SLC35F3: variants seen among roughly 807,000 people sequenced by gnomAD.
SLC35F3 encodes solute carrier family 35 member F3, also known as putative thiamine transporter SLC35F3.
Under a neutral mutation model 49.9 loss-of-function variants are expected in SLC35F3, and 25 were observed. The observed-to-expected ratio is 0.50, with a 90% CI of 0.37 to 0.70. The LOEUF (loss-of-function observed/expected upper bound fraction) is 0.70. Ranked by LOEUF, SLC35F3 falls within the 30% of genes least tolerant of loss-of-function variation. The pLI is 0.00. For missense variants in SLC35F3, 525 were observed against 639.8 expected (o/e 0.82, Z 1.94); for synonymous variants, 275 against 265.4 (o/e 1.04, Z -0.35).
At chr1:234,192,427 A>G (rs961287479) in intron 2 of SLC35F3, among the ~76,000 whole-genome samples, 1 of 152,198 alleles carries the variant, frequency 6.6e-6, no homozygotes, top group Non-Finnish European at 1.5e-5. Flanking sequence ...CTTCAGCAAA[A>G]TCAGCATACA....
chr1:234,222,470 T>C (rs622815), intron 2 of SLC35F3, among the ~76,000 whole-genome samples: 57,270 of 152,032 alleles, frequency 0.38, 15,438 homozygotes, highest in African/African-American at 0.77. Context: ...TGCTCTGTTC[T>C]GCTCATTTTC....
At chr1:234,190,419 A>G (rs925408828) in intron 2 of SLC35F3, among the ~76,000 whole-genome samples, 7 of 152,244 alleles carry the variant, frequency 4.6e-5, no homozygotes, top group African/African-American at 1.4e-4. Context: ...AGGAATAGCT[A>G]TTCTTATATC....
intron 2 of SLC35F3, among the ~76,000 whole-genome samples, chr1:233,964,888 A>T (rs1317572873): frequency 6.6e-6 from 1 of 152,212 alleles, no homozygotes; most frequent in Non-Finnish European, 1.5e-5. Flanking sequence ...GACCACACTA[A>T]CATCAGAGGA....
At chr1:234,203,593 C>A (rs561005632) in intron 2 of SLC35F3, among the ~76,000 whole-genome samples, 2 of 152,242 alleles carry the variant, frequency 1.3e-5, no homozygotes, top group African/African-American at 4.8e-5. Context: ...TGCCTGTAAT[C>A]CGAGCTTCTC....
At chr1:233,927,825 T>C (rs1264165485) in intron 2 of SLC35F3, among the ~76,000 whole-genome samples, 1 of 152,196 alleles carries the variant, frequency 6.6e-6, no homozygotes, top group Non-Finnish European at 1.5e-5. Context: ...ATTTATGTAT[T>C]TTAAAATAGA....
At chr1:234,135,197 C>T (rs1275111360) in intron 2 of SLC35F3, among the ~76,000 whole-genome samples, 1 of 152,168 alleles carries the variant, frequency 6.6e-6, no homozygotes, top group East Asian at 1.9e-4. Context: ...GCTAGCCCAA[C>T]ATGTGGCACT....
At position 234,250,646 on chromosome 1, in the gene SLC35F3, TC is replaced by T. The variant is rs768481370; in HGVS notation, c.608+18907del. Among the ~76,000 whole-genome samples, 651 of 111,538 alleles carry T rather than the reference TC, an allele frequency of 5.8e-3. 3 individuals are homozygous for T. Among genetic ancestry groups the T allele is most frequent in the Non-Finnish European group, 6.3e-3 (363 of 57,666 alleles). 73.2% of individuals were successfully genotyped at this position (111,538 alleles called of 152,430 possible). ...TCCAGCCTGGGCGACAGAGCGAGAC[TC>T]CGTCTCAAAAAAAAAAAAAAAAAAA... On this transcript the variant is annotated intron_variant, in intron 3 of 7. Coordinates refer to ENST00000366618, the MANE Select transcript of SLC35F3 (RefSeq NM_173508.4).
chr1:234,290,076 C>G (rs1471218962), intron 3 of SLC35F3, among the ~76,000 whole-genome samples: 1 of 152,044 alleles, frequency 6.6e-6, no homozygotes, highest in Non-Finnish European at 1.5e-5. Flanking sequence ...AGCTATAAAC[C>G]AGACACAGCT....
chr1:234,225,345 T>A lies in SLC35F3; in HGVS notation c.284-6072T>A, dbSNP rs552769621. Among the ~76,000 whole-genome samples the A allele has an allele frequency of 4.5e-3, 328 of 72,438 alleles. 3 individuals are homozygous for A. Among genetic ancestry groups the A allele is most frequent in the African/African-American group, 0.039 (315 of 8,002 alleles). The allele number at this position is 72,438 out of a possible 152,430, so 47.5% of individuals were successfully genotyped here. ...CAAAAGCTTTCTTCTAAGCTCCTCA[T>A]TTTGCAAAACTTTTTGGTTTGTTGG... is the stretch of plus-strand genomic sequence containing the variant. On this transcript the variant is annotated intron_variant, in intron 2 of 7. Transcript: ENST00000366618.
At chr1:234,197,102 A>G (rs2102932452) in intron 2 of SLC35F3, among the ~76,000 whole-genome samples, 1 of 152,340 alleles carries the variant, frequency 6.6e-6, no homozygotes, top group East Asian at 1.9e-4. Context: ...GAGCAGAGTT[A>G]GGGAAATGAA....
chr1:234,034,042 T>C (rs1664104834), intron 2 of SLC35F3, among the ~76,000 whole-genome samples: 1 of 152,228 alleles, frequency 6.6e-6, no homozygotes. Flanking sequence ...CAGCAGTGTT[T>C]TATAGTTTAC....
intron 2 of SLC35F3, among the ~76,000 whole-genome samples, chr1:234,088,377 T>C (rs1010280126): frequency 6.6e-6 from 1 of 152,108 alleles, no homozygotes; most frequent in African/African-American, 2.4e-5. Flanking sequence ...GCAGCTAATT[T>C]TTGTATTTTT....
chr1:234,049,274 G>A (rs1664338424), intron 2 of SLC35F3, among the ~76,000 whole-genome samples: 1 of 152,102 alleles, frequency 6.6e-6, no homozygotes, highest in South Asian at 2.1e-4. Context: ...TAATAAGAGT[G>A]CTGCCCTGAT....
At chr1:233,915,353 G>T (rs1237708183) in intron 2 of SLC35F3, among the ~76,000 whole-genome samples, 1 of 152,158 alleles carries the variant, frequency 6.6e-6, no homozygotes, top group Non-Finnish European at 1.5e-5. Flanking sequence ...TTCAGAAATT[G>T]AGTCAGCTCA....
intron 2 of SLC35F3, among the ~76,000 whole-genome samples, chr1:233,979,030 C>T (rs1162046564): frequency 6.7e-6 from 1 of 149,306 alleles, no homozygotes; most frequent in Non-Finnish European, 1.5e-5. Context: ...AGTGAAACTC[C>T]GTTTCCAATT....
At chr1:233,973,246 G>A (rs2102818182) in intron 2 of SLC35F3, among the ~76,000 whole-genome samples, 1 of 152,320 alleles carries the variant, frequency 6.6e-6, no homozygotes, top group South Asian at 2.1e-4. Context: ...CAGAGCCCCA[G>A]GACTTGACTT....
chr1:234,183,336 A>G (rs1320867745), intron 2 of SLC35F3, among the ~76,000 whole-genome samples: 1 of 143,122 alleles, frequency 7.0e-6, no homozygotes, highest in Non-Finnish European at 1.5e-5. Flanking sequence ...TAATGATACA[A>G]AAGTTCTTAT....
intron 3 of SLC35F3, among the ~76,000 whole-genome samples, chr1:234,273,189 A>T (rs1668136527): frequency 6.6e-6 from 1 of 152,228 alleles, no homozygotes; most frequent in African/African-American, 2.4e-5. Flanking sequence ...CCTTCAATGC[A>T]TCGATTTGAA....
chr1:234,093,715 G>T (rs192570359), intron 2 of SLC35F3, among the ~76,000 whole-genome samples: 1 of 152,208 alleles, frequency 6.6e-6, no homozygotes, highest in Admixed American at 6.5e-5. Flanking sequence ...GGGCCCTGCC[G>T]GGGCATTCTC....
Sources: gnomAD v4.1 joint callset for allele counts (sites outside exome capture counted in the v4.1 genomes callset) on GRCh38, gnomAD v4.1.1 for gene constraint, MANE v1.5 for transcripts, NCBI Gene and HGNC (gene_info 2026-07-23, HGNC 2026-07-21) for gene names.